The following XKR4 variants were observed in gnomAD, a reference collection of about 807,000 sequenced individuals.
XKR4 encodes XK related 4, also known as XK-related protein 4.
A neutral mutation model predicts 53.9 loss-of-function variants in XKR4; 12 were observed. That is an observed-to-expected ratio of 0.22 (90% confidence interval 0.14 to 0.36). The LOEUF (loss-of-function observed/expected upper bound fraction) is 0.36, where lower values mean the gene tolerates loss of function less well. Ranked by LOEUF, XKR4 falls within the 10% of genes least tolerant of loss-of-function variation. The pLI, the probability that XKR4 is intolerant of heterozygous loss-of-function variation, is 1.00. For synonymous variants in XKR4, 354 were observed against 362.4 expected (o/e 0.98, Z 0.26); for missense variants, 799 against 859.5 (o/e 0.93, Z 0.88).
chr8:55,152,887 C>T (rs1179256772), intron 1 of XKR4, among the ~76,000 whole-genome samples: 4 of 152,210 alleles, frequency 2.6e-5, no homozygotes, highest in Admixed American at 6.5e-5. Context: ...CAATTACTCA[C>T]CTGTGAAGTG....
intron 2 of XKR4, among the ~76,000 whole-genome samples, chr8:55,389,165 A>T (rs1369167962): frequency 6.6e-6 from 1 of 152,216 alleles, no homozygotes; most frequent in Non-Finnish European, 1.5e-5. Context: ...GGCCTGAAAC[A>T]GATCCTTCTC....
intron 1 of XKR4, among the ~76,000 whole-genome samples, chr8:55,222,365 T>C (rs1238134862): frequency 6.6e-6 from 1 of 152,242 alleles, no homozygotes; most frequent in Non-Finnish European, 1.5e-5. Flanking sequence ...CTGAATTGAT[T>C]TTTAAACTCC....
intron 2 of XKR4, among the ~76,000 whole-genome samples, chr8:55,475,579 C>CTTAT (rs60244265): frequency 0.19 from 25,635 of 137,136 alleles, 2,478 homozygotes; most frequent in Non-Finnish European, 0.22. Flanking sequence ...ACCATGCTCA[C>CTTAT]TTATTTATTT....
At chr8:55,241,927 T>A (rs1290772918) in intron 1 of XKR4, among the ~76,000 whole-genome samples, 1 of 152,216 alleles carries the variant, frequency 6.6e-6, no homozygotes, top group Non-Finnish European at 1.5e-5. Flanking sequence ...AACAGCAAGA[T>A]GACAATAATA....
At chr8:55,498,935 G>A (rs1342460237) in intron 2 of XKR4, among the ~76,000 whole-genome samples, 4 of 152,206 alleles carry the variant, frequency 2.6e-5, no homozygotes, top group African/African-American at 9.7e-5. Flanking sequence ...GAAGCGAAAG[G>A]ACTTGACTTT....
At chr8:55,301,369 C>A (rs553319237) in intron 1 of XKR4, among the ~76,000 whole-genome samples, 39 of 151,984 alleles carry the variant, frequency 2.6e-4, no homozygotes, top group South Asian at 2.5e-3. Context: ...TGTATATGTG[C>A]CACATTTTCT....
In XKR4 at chr8:55,369,675, T is replaced by C. The variant is rs191712103; in HGVS notation, c.1006+11798T>C. Reference sequence around the variant, plus strand: ...TAAACTTATTTAATGTTTTAATATATATTACATTAAAATAGAATCAATATT... The same window carrying C: ...TAAACTTATTTAATGTTTTAATATACATTACATTAAAATAGAATCAATATT... On this transcript the variant is annotated intron_variant, in intron 2 of 2. Coordinates refer to ENST00000327381, the MANE Select transcript of XKR4 (RefSeq NM_052898.2). Among the ~76,000 whole-genome samples, 15 of 152,198 alleles carry C rather than the reference T, an allele frequency of 9.9e-5. No homozygotes were observed. In the East Asian group the frequency reaches 2.1e-3, roughly 21 times the overall value.
chr8:55,498,441 G>A (rs895809524), intron 2 of XKR4, among the ~76,000 whole-genome samples: 2 of 152,138 alleles, frequency 1.3e-5, no homozygotes, highest in Non-Finnish European at 2.9e-5. Flanking sequence ...GCGCATCCTA[G>A]CAGGAAGGTT....
intron 1 of XKR4, among the ~76,000 whole-genome samples, chr8:55,312,278 TTCC>T (rs1170499852): frequency 6.6e-6 from 1 of 152,168 alleles, no homozygotes; most frequent in Non-Finnish European, 1.5e-5. Context: ...ACTAAACCAT[TTCC>T]TCAAGTTAAT....
chr8:55,515,201 C>T (rs1279047942), intron 2 of XKR4, among the ~76,000 whole-genome samples: 1 of 152,142 alleles, frequency 6.6e-6, no homozygotes, highest in East Asian at 1.9e-4. Context: ...AAATGGATTA[C>T]CAAAAGAAAG....
intron 1 of XKR4, among the ~76,000 whole-genome samples, chr8:55,329,976 C>A (rs972793231): frequency 6.6e-6 from 1 of 152,126 alleles, no homozygotes; most frequent in African/African-American, 2.4e-5. Flanking sequence ...AGAATAATAA[C>A]TAATTCTCAG....
At chr8:55,481,849 C>A (rs1224919867) in intron 2 of XKR4, among the ~76,000 whole-genome samples, 1 of 152,098 alleles carries the variant, frequency 6.6e-6, no homozygotes. Flanking sequence ...CAATGAGATA[C>A]CATCTCACAC....
At position 55,449,001 on chromosome 8, in the gene XKR4, C is replaced by A. The variant is rs190461230; in HGVS notation, c.1007-74280C>A. Among the ~76,000 whole-genome samples the A allele has an allele frequency of 2.0e-3, 301 of 151,656 alleles. 1 individual carries two copies. The highest frequency in any genetic ancestry group is 6.9e-3 in the African/African-American group (287 of 41,372). On this transcript the variant is annotated intron_variant, in intron 2 of 2. Transcript: ENST00000327381. Reference sequence around the variant, plus strand: ...GAACTCTTCCAGTAGCCCTAAAATCCAATGTTATGACTTATTATATAAATA... The same window carrying A: ...GAACTCTTCCAGTAGCCCTAAAATCAAATGTTATGACTTATTATATAAATA...
rs138264284 is a variant in XKR4 at position 55,114,820 on chromosome 8, A to C, written c.806+11526A>C. On this transcript the variant is annotated intron_variant, in intron 1 of 2. Transcript: ENST00000327381. ...TGGTCACTAAGATCAGTTGCTGAGA[A>C]TAAAATGACTGAAATAAGCAACCAG... 5.3e-5 allele frequency among the ~76,000 whole-genome samples: 8 copies of C among 152,328 alleles called. No individual in the cohort carries two copies. The East Asian group carries it at 1.5e-3, about 29-fold the overall frequency.
At chr8:55,114,298 T>A (rs1407302922) in intron 1 of XKR4, among the ~76,000 whole-genome samples, 1 of 152,196 alleles carries the variant, frequency 6.6e-6, no homozygotes, top group African/African-American at 2.4e-5. Context: ...ACTCTTGTGA[T>A]TTTAATTTGC....
At position 55,102,825 on chromosome 8, in the gene XKR4, C is replaced by G. The variant is rs760151149; in HGVS notation, c.337C>G (p.Leu113Val). Reference protein sequence around the residue: ...EQRRYSLWDCLWILAAVAVYF... With the variant: ...EQRRYSLWDCVWILAAVAVYF... ...GCGGCGCTACTCACTGTGGGACTGC[C>G]TCTGGATCCTGGCCGCCGTGGCCGT... is the stretch of plus-strand genomic sequence containing the variant. Residue 113 changes from leucine to valine, a missense_variant, in exon 1 of 3, where the codon CTC becomes GTC. Transcript: ENST00000327381. The surrounding 1 kb of genome is among the most constrained non-coding windows in gnomAD (Gnocchi z 5.1). 1.9e-6 allele frequency: 3 copies of G among 1,609,758 alleles called. No homozygotes were observed. Among genetic ancestry groups the G allele is most frequent in the Non-Finnish European group, 2.5e-6 (3 of 1,179,812 alleles).
chr8:55,172,243 T>A (rs771061380), intron 1 of XKR4, among the ~76,000 whole-genome samples: 26 of 151,890 alleles, frequency 1.7e-4, no homozygotes, highest in Non-Finnish European at 3.2e-4. Flanking sequence ...TTTCCTTCAC[T>A]TACAGGATAT....
At chr8:55,385,364 G>A (rs2129387970) in intron 2 of XKR4, among the ~76,000 whole-genome samples, 1 of 152,140 alleles carries the variant, frequency 6.6e-6, no homozygotes, top group East Asian at 1.9e-4. Flanking sequence ...TTTTCGTCTG[G>A]CACATCCTCC....
chr8:55,374,680 T>C (rs1486833803), intron 2 of XKR4, among the ~76,000 whole-genome samples: 1 of 152,120 alleles, frequency 6.6e-6, no homozygotes, highest in African/African-American at 2.4e-5. Context: ...GAAATGCCCT[T>C]GAGGGACCTG....
Sources: gnomAD v4.1 joint callset for allele counts (sites outside exome capture counted in the v4.1 genomes callset) on GRCh38, gnomAD v4.1.1 for gene constraint, Gnocchi (gnomAD v3.1) non-coding constraint, MANE v1.5 for transcripts, NCBI Gene and HGNC (gene_info 2026-07-23, HGNC 2026-07-21) for gene names.